Variants in OPRM1 observed in about 807,000 individuals in gnomAD.
The protein encoded by OPRM1 is opioid receptor mu 1.
Under a neutral mutation model 31.8 loss-of-function variants are expected in OPRM1, and 27 were observed. That is an observed-to-expected ratio of 0.85 (90% CI 0.63 to 1.17). The LOEUF is 1.17. OPRM1 is among the 50% of genes most tolerant of loss of function. The pLI is 0.00. For synonymous variants in OPRM1, 196 were observed against 189.9 expected (o/e 1.03, Z -0.26); for missense variants, 536 against 511.1 (o/e 1.05, Z -0.47).
intron 2 of OPRM1, 44 bp from the exon 3 acceptor site, chr6:154,090,908 T>C: frequency 6.4e-7 from 1 of 1,563,994 alleles, no homozygotes; most frequent in Non-Finnish European, 8.7e-7. Context: ...TATGACATAA[T>C]TAAATGTTGC....
chr6:154,142,474 T>A (rs1029670341), intron 3 of OPRM1, among the ~76,000 whole-genome samples: 1 of 152,018 alleles, frequency 6.6e-6, no homozygotes, highest in Non-Finnish European at 1.5e-5. Context: ...GTAAACACAC[T>A]GTGTACTCTT....
intron 3 of OPRM1, among the ~76,000 whole-genome samples, chr6:154,171,469 G>A (rs1799865193): frequency 6.6e-6 from 1 of 152,026 alleles, no homozygotes; most frequent in Admixed American, 6.6e-5. Flanking sequence ...TCTGGGAGGG[G>A]ACAAGCAGGA....
chr6:154,017,435 C>T (rs1315047339), intron 1 of OPRM1, among the ~76,000 whole-genome samples: 2 of 152,056 alleles, frequency 1.3e-5, no homozygotes, highest in African/African-American at 2.4e-5. Flanking sequence ...CACTGGGGCA[C>T]AGGCGTACAT....
At chr6:154,160,044 T>C (rs200432442) in intron 3 of OPRM1, 36 of 1,603,290 alleles carry the variant, frequency 2.2e-5, no homozygotes, top group East Asian at 6.7e-5. Flanking sequence ...CTTTACACTG[T>C]GTGAGTAGAA....
In OPRM1 at chr6:154,125,475, A is replaced by G. The variant is rs1797535319; in HGVS notation, c.*6754A>G. On this transcript the variant is annotated 3_prime_UTR_variant, in exon 4 of 4. Coordinates refer to ENST00000330432, the MANE Select transcript of OPRM1 (RefSeq NM_000914.5). ...AGTATTACATTCTTAGCATAAGTAT[A>G]CTCATAAAGAAAAATAAGTATTTGT... is the stretch of plus-strand genomic sequence containing the variant. Among the ~76,000 whole-genome samples, 1 of 152,222 alleles carries G rather than the reference A, an allele frequency of 6.6e-6. No individual in the cohort carries two copies. Among genetic ancestry groups the G allele is most frequent in the South Asian group, 2.1e-4 (1 of 4,824 alleles).
intron 1 of OPRM1, among the ~76,000 whole-genome samples, chr6:154,025,831 T>G (rs1778663566): frequency 6.6e-6 from 1 of 152,008 alleles, no homozygotes; most frequent in East Asian, 1.9e-4. Flanking sequence ...CTCTAAACCT[T>G]AACTTTGTCC....
chr6:154,232,115 A>G (rs1024217996), intron 3 of OPRM1, among the ~76,000 whole-genome samples: 1 of 152,126 alleles, frequency 6.6e-6, no homozygotes, highest in African/African-American at 2.4e-5. Context: ...TCTCCATACA[A>G]TAGCGTCCAT....
upstream of OPRM1, chr6:154,039,052 A>G: frequency 7.5e-7 from 1 of 1,326,876 alleles, no homozygotes; most frequent in African/African-American, 1.5e-5. Context: ...TTAAGGAGAA[A>G]AAGGCGCTGG....
intron 3 of OPRM1, chr6:154,213,250 G>C (rs1215923281): frequency 5.1e-6 from 1 of 194,782 alleles, no homozygotes; most frequent in Admixed American, 5.5e-5. Flanking sequence ...ACTTGTGAAG[G>C]GGAGTCTCTG....
At chr6:154,085,246 A>G (rs1790249985) in intron 1 of OPRM1, among the ~76,000 whole-genome samples, 2 of 152,216 alleles carry the variant, frequency 1.3e-5, no homozygotes, top group African/African-American at 4.8e-5. Flanking sequence ...CTATAAACAA[A>G]AGTCATATAT....
chr6:154,239,711 C>CT (rs10712453), intron 3 of OPRM1, among the ~76,000 whole-genome samples: 2 of 151,170 alleles, frequency 1.3e-5, no homozygotes, highest in African/African-American at 2.4e-5. Flanking sequence ...ACTGAAGAAA[C>CT]TTTTTTTTTT....
At position 154,039,301 on chromosome 6, in the gene OPRM1, G is replaced by A; in HGVS notation, c.-244G>A. ...ACGCTCCCCTCCTGCAGCGGTGCGG[G>A]GCAGGTGATGAGCCTCTGTGAACTA... On this transcript the variant is annotated 5_prime_UTR_variant, in exon 1 of 4. Coordinates refer to ENST00000330432, the MANE Select transcript of OPRM1 (RefSeq NM_000914.5). The A allele has an allele frequency of 1.3e-6, 2 of 1,551,178 alleles. No homozygotes were observed. The highest frequency in any genetic ancestry group is 4.9e-5 in the East Asian group (2 of 40,906).
chr6:154,218,950 G>A (rs1042361925), intron 3 of OPRM1: 3 of 152,060 alleles, frequency 2.0e-5, no homozygotes, highest in Non-Finnish European at 4.4e-5. Context: ...ATAGATAGGC[G>A]GTAAGATCTT....
Position 154,112,000 on chromosome 6 carries a change from T to C in OPRM1, c.1165-6683T>C, listed in dbSNP as rs187235889. On this transcript the variant is annotated intron_variant, in intron 3 of 3. Coordinates refer to ENST00000330432, the MANE Select transcript of OPRM1 (RefSeq NM_000914.5). ...CAGGATGGTCTCGATCTCCTGACCT[T>C]GTGATCCGCCCGCCTCGGCCTCCCA... is the stretch of plus-strand genomic sequence containing the variant. 3.2e-3 allele frequency among the ~76,000 whole-genome samples: 490 copies of C among 152,152 alleles called. 14 individuals are homozygous for C. Among genetic ancestry groups the C allele is most frequent in the Non-Finnish European group, 6.5e-4 (44 of 67,998 alleles).
At chr6:154,223,081 T>C in intron 3 of OPRM1, 1 of 1,024,838 alleles carries the variant, frequency 9.8e-7, no homozygotes, top group East Asian at 2.4e-5. Flanking sequence ...TTACCTTCAC[T>C]CACTTCTAAA....
intron 3 of OPRM1, among the ~76,000 whole-genome samples, chr6:154,144,281 G>A (rs1343478648): frequency 1.3e-5 from 2 of 152,116 alleles, no homozygotes; most frequent in Non-Finnish European, 2.9e-5. Context: ...ATCTCTTTGA[G>A]AAAATTGAAG....
At chr6:154,217,619 A>G (rs751889445) in intron 3 of OPRM1, 1 of 152,196 alleles carries the variant, frequency 6.6e-6, no homozygotes, top group Non-Finnish European at 1.5e-5. Context: ...TTTGTCTGAC[A>G]CGAATACGTT....
At chr6:154,171,935 T>A (rs890427913) in intron 3 of OPRM1, among the ~76,000 whole-genome samples, 3 of 152,194 alleles carry the variant, frequency 2.0e-5, no homozygotes, top group African/African-American at 4.8e-5. Flanking sequence ...ACCACAGTAT[T>A]TTTGAATTAA....
Position 154,212,904 on chromosome 6 carries a change from T to C in OPRM1, c.1165-33789T>C, listed in dbSNP as rs573591309. 3.2e-6 allele frequency: 4 copies of C among 1,254,254 alleles called. No individual in the cohort carries two copies. In the South Asian group the frequency reaches 4.9e-5, roughly 15 times the overall value. 77.7% of individuals were successfully genotyped at this position (1,254,254 alleles called of 1,614,324 possible). ...AATGTTTTAACGCTGTCATCGCTTA[T>C]TCCATAATGCATGAGCAGAGGTTTA... On this transcript the variant is annotated intron_variant, in intron 3 of 3. Coordinates refer to the OPRM1 transcript ENST00000337049.
Sources: gnomAD v4.1 joint callset for allele counts (sites outside exome capture counted in the v4.1 genomes callset) on GRCh38, gnomAD v4.1.1 for gene constraint, MANE v1.5 for transcripts, NCBI Gene and HGNC (gene_info 2026-07-23, HGNC 2026-07-21) for gene names.